The following APOLD1 variants were observed in gnomAD, a reference collection of about 807,000 sequenced individuals.
APOLD1 encodes apolipoprotein L domain-containing protein 1.
In APOLD1, 22 loss-of-function variants were observed where a neutral mutation model predicts 15.3. The ratio of observed to expected loss-of-function variants is 1.44; its 90% CI spans 1.03 to 2.05. The LOEUF (loss-of-function observed/expected upper bound fraction) is 2.05. APOLD1 is among the 30% of genes most tolerant of loss of function. The probability of loss-of-function intolerance (pLI) is 0.00; values close to 1 mark genes in which losing one functional copy is unlikely to be tolerated. For missense variants in APOLD1, 394 were observed against 353.5 expected, an observed-to-expected ratio of 1.11 and a Z score of -0.92; for synonymous variants, 190 against 167.4, an observed-to-expected ratio of 1.13 and a Z score of -1.04.
chr12:12,725,953 C>T (rs1199669897), exon 1 of APOLD1: 3 of 1,396,958 alleles, frequency 2.1e-6, no homozygotes, highest in African/African-American at 1.5e-5. Context: ...GGGCGGTCAG[C>T]GATCTGCAGC....
At chr12:12,765,776 A>AT (rs758935110) in intron 1 of APOLD1, among the ~76,000 whole-genome samples, 35 of 152,326 alleles carry the variant, frequency 2.3e-4, no homozygotes, top group Admixed American at 1.8e-3. Context: ...AGGCTGAGGT[A>AT]TTAGGATCTC....
chr12:12,787,105 C>G lies in APOLD1; in HGVS notation c.200C>G (p.Ala67Gly), dbSNP rs1947135660. The G allele has an allele frequency of 1.4e-5, 20 of 1,418,582 alleles. No homozygotes were observed. The highest frequency in any genetic ancestry group is 3.3e-5 in the Admixed American group (1 of 30,096). The allele number at this position is 1,418,582 out of a possible 1,614,324, so 87.9% of individuals were successfully genotyped here. A position where few individuals can be genotyped will look rare whatever the true frequency, so the allele number is the denominator to read the frequency against. ...VAGSSLSATG[A>G]LAAIVGLSLS... ...GGCAGCTCGCTGAGCGCAACGGGCG[C>G]CCTCGCCGCCATCGTGGGGCTCTCG... Residue 67 changes from alanine to glycine, a missense_variant, in exon 2 of 2, where the codon GCC becomes GGC. Physicochemically the swap from Ala to Gly is moderately conservative, Grantham distance 60 (BLOSUM62 0). Coordinates refer to ENST00000356591, the MANE Select transcript of APOLD1 (RefSeq NM_030817.3). The surrounding 1 kb of genome is among the most constrained non-coding windows in gnomAD (Gnocchi z 4.9).
At chr12:12,772,287 G>A (rs1440562875) in intron 1 of APOLD1, among the ~76,000 whole-genome samples, 1 of 152,192 alleles carries the variant, frequency 6.6e-6, no homozygotes, top group Non-Finnish European at 1.5e-5. Flanking sequence ...TAAACGGGTA[G>A]AGAAAGATAC....
chr12:12,787,396 A>C lies in APOLD1; in HGVS notation c.491A>C (p.Tyr164Ser). The C allele has an allele frequency of 6.2e-7, 1 of 1,614,200 alleles. No homozygotes were observed. The highest frequency in any genetic ancestry group is 8.5e-7 in the Non-Finnish European group (1 of 1,180,034). The change falls in exon 2 of 2, where the codon TAC (tyrosine) becomes TCC (serine). Residue 164 changes from tyrosine to serine, a missense_variant. Coordinates refer to ENST00000356591, the MANE Select transcript of APOLD1 (RefSeq NM_030817.3). This position sits in a 1 kb window ranked among gnomAD's most constrained non-coding sequence, Gnocchi z 4.9. ...QCGRNASIAL[Y>S]NSVYFIVFFG... ...GGGAGGAACGCCTCCATCGCCCTGT[A>C]CAATTCTGTCTACTTCATCGTCTTC...
chr12:12,787,035 C>T lies in APOLD1; in HGVS notation c.130C>T (p.Arg44Cys), dbSNP rs1947133912. ...GCTGCGCCTGCGCGAGGTGGCCCGG[C>T]GCCTGGAGCGCCTGCGCAGGCGCTC... ...QVLRLREVAR[R>C]LERLRRRSLV... The change falls in exon 2 of 2, where the codon CGC becomes TGC. Residue 44 changes from arginine (R) to cysteine (C), a missense_variant. Arg to Cys is a radical substitution (Grantham distance 180, BLOSUM62 -3). Transcript: ENST00000356591. The surrounding 1 kb of genome is among the most constrained non-coding windows in gnomAD (Gnocchi z 4.9). 7.3e-7 allele frequency: 1 copy of T among 1,374,210 alleles called. No homozygotes were observed. Among genetic ancestry groups the T allele is most frequent in the Middle Eastern group, 2.6e-4 (1 of 3,796 alleles). 85.1% of individuals were successfully genotyped at this position (1,374,210 alleles called of 1,614,324 possible).
chr12:12,756,957 T>C (rs1346402574), intron 1 of APOLD1, among the ~76,000 whole-genome samples: 1 of 152,164 alleles, frequency 6.6e-6, no homozygotes, highest in Admixed American at 6.5e-5. Context: ...CAGCTAATTT[T>C]TGTATTTTTA....
At chr12:12,783,099 G>A (rs545081438), upstream of APOLD1, among the ~76,000 whole-genome samples, 18 of 152,098 alleles carry the variant, frequency 1.2e-4, no homozygotes, top group East Asian at 2.3e-3. Flanking sequence ...CCAGCTTCTC[G>A]GGAGGCTGAG....
chr12:12,737,449 A>G (rs1946697250), intron 1 of APOLD1, among the ~76,000 whole-genome samples: 1 of 152,112 alleles, frequency 6.6e-6, no homozygotes, highest in South Asian at 2.1e-4. Context: ...CAGTCCAATC[A>G]CCACTGTTTC....
At position 12,787,754 on chromosome 12, in the gene APOLD1, C is replaced by G; in HGVS notation, c.*102C>G. 1 of 1,485,852 alleles carries G rather than the reference C, an allele frequency of 6.7e-7. No homozygotes were observed. Among genetic ancestry groups the G allele is most frequent in the Non-Finnish European group, 8.9e-7 (1 of 1,120,918 alleles). 92.0% of individuals were successfully genotyped at this position (1,485,852 alleles called of 1,614,324 possible). A position where few individuals can be genotyped will look rare whatever the true frequency, so the allele number is the denominator to read the frequency against. On this transcript the variant is annotated 3_prime_UTR_variant, in exon 2 of 2. Transcript: ENST00000356591. This position sits in a 1 kb window ranked among gnomAD's most constrained non-coding sequence, Gnocchi z 4.9. ...GAAAACACCAAGCTGGGTTAGGAGC[C>G]GAAGGCAAAGGATGAGAAAAACTGT...
At chr12:12,742,754 A>G (rs1946737631) in intron 1 of APOLD1, among the ~76,000 whole-genome samples, 1 of 99,216 alleles carries the variant, frequency 1.0e-5, no homozygotes, top group Admixed American at 1.2e-4. Flanking sequence ...ACAGAGCAAG[A>G]CTCCATCTAA....
intron 1 of APOLD1, among the ~76,000 whole-genome samples, chr12:12,749,704 G>T (rs1396780836): frequency 6.6e-6 from 1 of 152,152 alleles, no homozygotes; most frequent in Non-Finnish European, 1.5e-5. Context: ...GTGGCCCATG[G>T]GAAACCTGTA....
chr12:12,730,510 A>C (rs1490181447), intron 1 of APOLD1, among the ~76,000 whole-genome samples: 1 of 151,426 alleles, frequency 6.6e-6, no homozygotes. Flanking sequence ...GTGAAACCCC[A>C]TCTCTACTAA....
At chr12:12,764,541 A>C in intron 1 of APOLD1, 1 of 255,220 alleles carries the variant, frequency 3.9e-6, no homozygotes, top group South Asian at 5.0e-5. Context: ...TATTACCTCT[A>C]GAGGGTGAAA....
At chr12:12,732,514 C>CA (rs762706832) in intron 1 of APOLD1, among the ~76,000 whole-genome samples, 96 of 152,084 alleles carry the variant, frequency 6.3e-4, no homozygotes, top group Non-Finnish European at 7.4e-4. Context: ...CACTTGAGGT[C>CA]AGGAGTTTGA....
intron 1 of APOLD1, among the ~76,000 whole-genome samples, chr12:12,752,563 A>G (rs2136380899): frequency 6.6e-6 from 1 of 152,354 alleles, no homozygotes; most frequent in South Asian, 2.1e-4. Context: ...TTGAACAAAA[A>G]TGATACAATC....
chr12:12,735,725 C>T (rs1439241893), intron 1 of APOLD1, among the ~76,000 whole-genome samples: 2 of 152,018 alleles, frequency 1.3e-5, no homozygotes, highest in East Asian at 1.9e-4. Context: ...GAGGATCATT[C>T]GAGGTTAGGC....
rs36112693 is a variant in APOLD1 at position 12,770,567 on chromosome 12, GA to G, written c.97-16328del. ...TGAAAAACAAAGAGAAAAAAAGACT[GA>G]AAAAAAAAAAAAAGCAACAACAGAA... On this transcript the variant is annotated intron_variant, in intron 1 of 1. Coordinates refer to the APOLD1 transcript ENST00000326765. Among the ~76,000 whole-genome samples the G allele has an allele frequency of 6.6e-3, 782 of 119,240 alleles. 14 individuals are homozygous for G. Among genetic ancestry groups the G allele is most frequent in the Admixed American group, 0.042 (505 of 11,916 alleles). 78.2% of individuals were successfully genotyped at this position (119,240 alleles called of 152,430 possible). A position where few individuals can be genotyped will look rare whatever the true frequency, so the allele number is the denominator to read the frequency against.
At chr12:12,742,275 G>A (rs891472690) in intron 1 of APOLD1, among the ~76,000 whole-genome samples, 1 of 152,202 alleles carries the variant, frequency 6.6e-6, no homozygotes, top group Admixed American at 6.5e-5. Flanking sequence ...ACTTTTTATG[G>A]CAGGTTGCAA....
chr12:12,744,974 A>G (rs979953293), intron 1 of APOLD1, among the ~76,000 whole-genome samples: 3 of 152,182 alleles, frequency 2.0e-5, no homozygotes, highest in African/African-American at 7.2e-5. Flanking sequence ...CTTCACCCTG[A>G]CAAAGCTTTT....
Sources: allele counts gnomAD v4.1 joint callset (sites outside exome capture counted in the v4.1 genomes callset), GRCh38; gene constraint gnomAD v4.1.1; non-coding constraint Gnocchi (gnomAD v3.1); transcripts MANE v1.5; gene names NCBI Gene and HGNC (gene_info 2026-07-23, HGNC 2026-07-21).